Variants in STPG4 observed in about 807,000 individuals in gnomAD.
STPG4 encodes sperm-tail PG-rich repeat containing 4.
Under a neutral mutation model 31.5 loss-of-function variants are expected in STPG4, and 41 were observed. The ratio of observed to expected loss-of-function variants is 1.30; its 90% CI spans 1.01 to 1.69. The LOEUF is 1.69. Ranked by LOEUF, STPG4 falls within the 40% of genes most tolerant of loss-of-function variation. STPG4 has a pLI of 0.00. For synonymous variants in STPG4, 141 were observed against 103.0 expected (o/e 1.37, Z -2.24); for missense variants, 375 against 293.4 (o/e 1.28, Z -2.03).
rs561969610 is a variant in STPG4 at position 47,111,443 on chromosome 2, T to C, written c.519+18498A>G. The stretch of plus-strand genomic sequence containing the variant: ...TTATTTAGGTCACTTATGAAAGCAA[T>C]AAAATCAATTAAAGGGGAGGAGTGA... On this transcript the variant is annotated intron_variant, in intron 5 of 6. Transcript: ENST00000445927. Among the ~76,000 whole-genome samples the C allele has an allele frequency of 1.8e-4, 27 of 152,250 alleles. 1 individual carries two copies. The highest frequency in any genetic ancestry group is 3.4e-3 in the Middle Eastern group (1 of 294).
chr2:47,098,882 G>A (rs143036170), intron 5 of STPG4, among the ~76,000 whole-genome samples: 1,705 of 152,238 alleles, frequency 0.011, 39 homozygotes, highest in African/African-American at 0.037. Flanking sequence ...ATGCAACTCA[G>A]GAAATTCTAG....
chr2:47,147,640 T>C (rs956430917), intron 3 of STPG4, among the ~76,000 whole-genome samples: 10 of 152,000 alleles, frequency 6.6e-5, no homozygotes, highest in African/African-American at 2.2e-4. Context: ...TATGTGTGTG[T>C]TGAAATTATG....
chr2:47,100,969 T>G (rs1484312876), intron 5 of STPG4, among the ~76,000 whole-genome samples: 1 of 151,864 alleles, frequency 6.6e-6, no homozygotes, highest in African/African-American at 2.4e-5. Flanking sequence ...AACCCACCAA[T>G]TCTGGACACA....
At chr2:47,144,279 A>G (rs1686774337) in intron 3 of STPG4, among the ~76,000 whole-genome samples, 1 of 152,242 alleles carries the variant, frequency 6.6e-6, no homozygotes, top group Non-Finnish European at 1.5e-5. Flanking sequence ...CGAAAGACAC[A>G]GACTTCAACA....
chr2:47,097,322 G>T (rs1685693566), intron 5 of STPG4, among the ~76,000 whole-genome samples: 1 of 152,098 alleles, frequency 6.6e-6, no homozygotes. Context: ...TCCCCAGAAA[G>T]CGCACACGTT....
chr2:47,122,988 G>T (rs1026492117), intron 5 of STPG4, among the ~76,000 whole-genome samples: 1 of 152,168 alleles, frequency 6.6e-6, no homozygotes, highest in Non-Finnish European at 1.5e-5. Context: ...ACCACGCCCA[G>T]CTAATTTTTG....
chr2:47,100,042 C>G (rs1573152433), intron 5 of STPG4, among the ~76,000 whole-genome samples: 1 of 152,104 alleles, frequency 6.6e-6, no homozygotes, highest in East Asian at 1.9e-4. Context: ...TGTACAGCCC[C>G]AGCCTCCCTG....
intron 5 of STPG4, among the ~76,000 whole-genome samples, chr2:47,105,914 A>T (rs1685900724): frequency 6.6e-6 from 1 of 152,086 alleles, no homozygotes; most frequent in Non-Finnish European, 1.5e-5. Context: ...GAAATTATAG[A>T]GTTATTGCAT....
At chr2:47,114,799 G>A (rs926785492) in intron 5 of STPG4, among the ~76,000 whole-genome samples, 3 of 151,742 alleles carry the variant, frequency 2.0e-5, no homozygotes, top group African/African-American at 4.8e-5. Context: ...ACAGAGTCTT[G>A]CTCTGTCACC....
intron 3 of STPG4, among the ~76,000 whole-genome samples, chr2:47,134,201 T>G (rs1287823234): frequency 1.3e-5 from 2 of 152,220 alleles, no homozygotes; most frequent in Non-Finnish European, 2.9e-5. Flanking sequence ...GAACCTACAC[T>G]GGCACATCAT....
At chr2:47,126,641 G>A (rs530615937) in intron 5 of STPG4, among the ~76,000 whole-genome samples, 2 of 152,244 alleles carry the variant, frequency 1.3e-5, no homozygotes, top group South Asian at 2.1e-4. Context: ...ATGATTTCTT[G>A]TTGCTCATTA....
At chr2:47,135,192 C>G (rs1236002461) in intron 3 of STPG4, among the ~76,000 whole-genome samples, 2 of 152,098 alleles carry the variant, frequency 1.3e-5, no homozygotes, top group Non-Finnish European at 1.5e-5. Context: ...ATTTTAGTTC[C>G]AAAGAAATCC....
intron 5 of STPG4, among the ~76,000 whole-genome samples, chr2:47,097,772 C>G (rs1458618563): frequency 6.6e-6 from 1 of 152,058 alleles, no homozygotes; most frequent in Non-Finnish European, 1.5e-5. Flanking sequence ...CTAAGTGGAC[C>G]AAGAAACATG....
chr2:47,134,369 C>G (rs1269149558), intron 3 of STPG4, among the ~76,000 whole-genome samples: 2 of 152,188 alleles, frequency 1.3e-5, no homozygotes, highest in Admixed American at 1.3e-4. Context: ...ATCCCTCCCT[C>G]CCCTCAACCC....
intron 5 of STPG4, among the ~76,000 whole-genome samples, chr2:47,111,981 G>C (rs533375748): frequency 6.6e-6 from 1 of 152,112 alleles, no homozygotes; most frequent in Non-Finnish European, 1.5e-5. Flanking sequence ...GTTTTGTTTT[G>C]TTTTTAACAA....
intron 3 of STPG4, among the ~76,000 whole-genome samples, chr2:47,135,110 A>G (rs935071919): frequency 6.6e-6 from 1 of 152,074 alleles, no homozygotes; most frequent in Non-Finnish European, 1.5e-5. Flanking sequence ...TCTCAGATAT[A>G]TCTTTTGCAA....
chr2:47,095,829 G>A (rs1248744871), intron 5 of STPG4, among the ~76,000 whole-genome samples: 1 of 152,152 alleles, frequency 6.6e-6, no homozygotes, highest in Admixed American at 6.5e-5. Context: ...CCAACAGGAT[G>A]GAGGTGGCAA....
chr2:47,090,698 C>T (rs988399716), intron 5 of STPG4, among the ~76,000 whole-genome samples: 3 of 152,232 alleles, frequency 2.0e-5, no homozygotes, highest in Admixed American at 1.3e-4. Flanking sequence ...CTCACAGCAG[C>T]ATGCATGCCT....
chr2:47,138,734 G>A (rs552101029), intron 3 of STPG4, among the ~76,000 whole-genome samples: 2 of 152,322 alleles, frequency 1.3e-5, no homozygotes, highest in East Asian at 1.9e-4. Flanking sequence ...ATTTTTAGTA[G>A]AGACGGGGTT....
Sources: gnomAD v4.1 joint callset for allele counts (sites outside exome capture counted in the v4.1 genomes callset) on GRCh38, gnomAD v4.1.1 for gene constraint, MANE v1.5 for transcripts, NCBI Gene and HGNC (gene_info 2026-07-23, HGNC 2026-07-21) for gene names.